The following PCSK5 variants were observed in gnomAD, a reference collection of about 807,000 sequenced individuals.
PCSK5 encodes the protein proprotein convertase subtilisin/kexin type 5.
Under a neutral mutation model 233.2 loss-of-function variants are expected in PCSK5, and 129 were observed. The ratio of observed to expected loss-of-function variants is 0.55; its 90% CI spans 0.48 to 0.64. The LOEUF is 0.64. Ranked by LOEUF, PCSK5 falls within the 30% of genes least tolerant of loss-of-function variation. The probability of loss-of-function intolerance (pLI) is 0.00; values close to 1 mark genes in which losing one functional copy is unlikely to be tolerated. For synonymous variants in PCSK5, 825 were observed against 879.2 expected (o/e 0.94, Z 1.09); for missense variants, 2,076 against 2,430.1 (o/e 0.85, Z 3.06).
chr9:76,085,920 G>A (rs1831045686), intron 7 of PCSK5, among the ~76,000 whole-genome samples: 1 of 152,116 alleles, frequency 6.6e-6, no homozygotes, highest in Non-Finnish European at 1.5e-5. Flanking sequence ...CTTTCCAAGT[G>A]CCTGTCCAAA....
rs17062307 is a variant in PCSK5 at position 76,271,421 on chromosome 9, T to C, written c.3143-20812T>C. Among the ~76,000 whole-genome samples the C allele has an allele frequency of 4.0e-3, 610 of 152,346 alleles. 4 individuals carry two copies. Among genetic ancestry groups the C allele is most frequent in the African/African-American group, 0.014 (570 of 41,576 alleles). On this transcript the variant is annotated intron_variant, in intron 24 of 37. Coordinates refer to ENST00000674117, the MANE Select transcript of PCSK5 (RefSeq NM_001372043.1). ...CCTCTTTTCACTAAGAAGAAGTAGCTGAATTTAAAAGAAGTGGCAGCTCTC... is the reference window on the plus strand; with the variant it reads ...CCTCTTTTCACTAAGAAGAAGTAGCCGAATTTAAAAGAAGTGGCAGCTCTC...
At chr9:75,915,848 C>G (rs757658927) in intron 1 of PCSK5, among the ~76,000 whole-genome samples, 1 of 152,136 alleles carries the variant, frequency 6.6e-6, no homozygotes, top group Non-Finnish European at 1.5e-5. Flanking sequence ...TCTTTTACAT[C>G]AACAGTAAGT....
Position 76,189,177 on chromosome 9 carries a change from T to C in PCSK5, c.2464T>C (p.Tyr822His), listed in dbSNP as rs138949162. 1.2e-3 allele frequency: 1,888 copies of C among 1,613,092 alleles called. 34 individuals carry two copies. In the South Asian group the frequency reaches 0.018, roughly 15 times the overall value. Residue 822 changes from tyrosine to histidine, a missense_variant, in exon 19 of 38, where the codon TAT (tyrosine) becomes CAT (histidine). This residue lies in a region of PCSK5 where 1,510 missense variants were observed against 1,538.1 expected (regional missense o/e 0.98). Transcript: ENST00000674117. ...ATGCGTGCAGAGCTGTAGTATCAGC[T>C]ATTACTTTGACCACTCTTCAGAGAA... Reference protein sequence around the residue: ...GRCVQSCSISYYFDHSSENGY... With the variant: ...GRCVQSCSISHYFDHSSENGY...
chr9:75,897,145 T>C (rs1043235798), intron 1 of PCSK5, among the ~76,000 whole-genome samples: 1 of 152,106 alleles, frequency 6.6e-6, no homozygotes, highest in African/African-American at 2.4e-5. Flanking sequence ...AAGATGAGTG[T>C]GTATTAGCTA....
intron 24 of PCSK5, among the ~76,000 whole-genome samples, chr9:76,245,235 C>T (rs892691138): frequency 9.9e-5 from 15 of 152,138 alleles, no homozygotes; most frequent in Non-Finnish European, 2.2e-4. Flanking sequence ...GGTTAATGTG[C>T]CCTTGTTTTA....
intron 2 of PCSK5, among the ~76,000 whole-genome samples, chr9:75,964,052 A>G (rs781705788): frequency 2.6e-5 from 4 of 152,270 alleles, no homozygotes; most frequent in Non-Finnish European, 4.4e-5. Context: ...AACAACATCC[A>G]ACTGCTTCTT....
chr9:76,254,473 TAA>T (rs76446171), intron 24 of PCSK5, among the ~76,000 whole-genome samples: 2 of 143,174 alleles, frequency 1.4e-5, no homozygotes, highest in Admixed American at 7.0e-5. Flanking sequence ...AGTCACTATT[TAA>T]AAAAAAAAAA....
At chr9:76,232,609 C>T (rs768998029) in intron 21 of PCSK5, among the ~76,000 whole-genome samples, 3 of 152,096 alleles carry the variant, frequency 2.0e-5, no homozygotes, top group African/African-American at 2.4e-5. Context: ...CTCACTTCAT[C>T]GATTCATATT....
intron 9 of PCSK5, among the ~76,000 whole-genome samples, chr9:76,128,183 A>G (rs1262311519): frequency 1.3e-5 from 2 of 152,158 alleles, no homozygotes; most frequent in African/African-American, 4.8e-5. Flanking sequence ...TCACAGGTTG[A>G]GGGGGATACA....
chr9:76,189,767 C>G, intron 20 of PCSK5, 21 bp downstream of exon 20: 1 of 1,236,840 alleles, frequency 8.1e-7, no homozygotes, highest in Non-Finnish European at 1.2e-6. Context: ...CTGCCCATAT[C>G]GATCTTATGA....
chr9:75,901,060 C>T (rs539659305), intron 1 of PCSK5, among the ~76,000 whole-genome samples: 6 of 152,020 alleles, frequency 3.9e-5, no homozygotes, highest in South Asian at 2.1e-4. Flanking sequence ...GAAGGAAGGG[C>T]GAGTGGCGAG....
At chr9:76,134,288 C>A in intron 10 of PCSK5, 76 bp downstream of exon 10, 1 of 832,920 alleles carries the variant, frequency 1.2e-6, no homozygotes, top group Non-Finnish European at 1.9e-6. Flanking sequence ...GAGCAGGAAA[C>A]AGAACCCCTC....
At position 75,898,447 on chromosome 9, in the gene PCSK5, G is replaced by A. The variant is rs72728960; in HGVS notation, c.192+7074G>A. On this transcript the variant is annotated intron_variant, in intron 1 of 37. Coordinates refer to ENST00000674117, the MANE Select transcript of PCSK5 (RefSeq NM_001372043.1). ...AGTATTGAAATTAACACCTGAAAAA[G>A]ACTCCTGATCGTTGACTGGGGTCGT... Among the ~76,000 whole-genome samples, 373 of 152,254 alleles carry A rather than the reference G, an allele frequency of 2.4e-3. 1 individual carries two copies. Among genetic ancestry groups the A allele is most frequent in the Middle Eastern group, 6.8e-3 (2 of 294 alleles).
At chr9:75,968,821 A>T (rs891807930) in intron 2 of PCSK5, among the ~76,000 whole-genome samples, 3 of 152,338 alleles carry the variant, frequency 2.0e-5, no homozygotes, top group Admixed American at 6.5e-5. Context: ...AACGGTAGGG[A>T]CCATTTGATA....
chr9:76,286,074 G>C (rs1301944156), intron 24 of PCSK5, among the ~76,000 whole-genome samples: 1 of 152,136 alleles, frequency 6.6e-6, no homozygotes, highest in African/African-American at 2.4e-5. Flanking sequence ...TAACCTTTTG[G>C]AGATTATAAA....
chr9:76,243,404 A>C (rs1826488197), intron 24 of PCSK5, among the ~76,000 whole-genome samples: 1 of 152,222 alleles, frequency 6.6e-6, no homozygotes, highest in Non-Finnish European at 1.5e-5. Flanking sequence ...AGACAGGTAT[A>C]AAGTGCAGTG....
chr9:76,336,583 G>A (rs1431749023), intron 34 of PCSK5, among the ~76,000 whole-genome samples: 1 of 152,096 alleles, frequency 6.6e-6, no homozygotes, highest in Non-Finnish European at 1.5e-5. Context: ...CTGACTTTAA[G>A]CAAGTTGTCT....
intron 30 of PCSK5, among the ~76,000 whole-genome samples, chr9:76,311,766 C>T (rs1309283252): frequency 1.3e-5 from 2 of 152,192 alleles, no homozygotes; most frequent in Admixed American, 6.5e-5. Context: ...ACAAGGTCAT[C>T]ACAAAGTCTG....
rs114209258 is a variant in PCSK5, at chr9:75,993,721, C to T, written c.411+7476C>T. Among the ~76,000 whole-genome samples, 1,472 of 152,262 alleles carry T rather than the reference C, an allele frequency of 9.7e-3. 34 individuals carry two copies. The highest frequency in any genetic ancestry group is 0.034 in the African/African-American group (1,416 of 41,544). ...AAGCACAATCAGCAGAAAGAAAACGCACATGGGGCGAAGTCTGGAGGAAAC... is the reference window on the plus strand; with the variant it reads ...AAGCACAATCAGCAGAAAGAAAACGTACATGGGGCGAAGTCTGGAGGAAAC... On this transcript the variant is annotated intron_variant, in intron 3 of 37. Coordinates refer to ENST00000674117, the MANE Select transcript of PCSK5 (RefSeq NM_001372043.1).
Sources: allele counts gnomAD v4.1 joint callset (sites outside exome capture counted in the v4.1 genomes callset), GRCh38; gene constraint gnomAD v4.1.1; regional missense constraint gnomAD v4.1.1; transcripts MANE v1.5; gene names NCBI Gene and HGNC (gene_info 2026-07-23, HGNC 2026-07-21).